Variants in CACNA2D3 observed in about 807,000 individuals in gnomAD.
CACNA2D3 encodes the protein voltage-dependent calcium channel subunit alpha-2/delta-3.
In CACNA2D3, 60 loss-of-function variants were observed where a neutral mutation model predicts 160.6. That is an observed-to-expected ratio of 0.37 (90% CI 0.30 to 0.46). CACNA2D3 has a LOEUF of 0.46. Ranked by LOEUF, CACNA2D3 falls within the 20% of genes least tolerant of loss-of-function variation. The pLI, the probability that CACNA2D3 is intolerant of heterozygous loss-of-function variation, is 1.00. For missense variants in CACNA2D3, 1,205 were observed against 1,365.0 expected (o/e 0.88, Z 1.85); for synonymous variants, 558 against 492.9 (o/e 1.13, Z -1.75).
At chr3:54,750,717 A>G (rs1701839747) in intron 11 of CACNA2D3, among the ~76,000 whole-genome samples, 1 of 151,830 alleles carries the variant, frequency 6.6e-6, no homozygotes, top group African/African-American at 2.4e-5. Context: ...ACGGGGGTGC[A>G]GCTATATGAA....
intron 4 of CACNA2D3, among the ~76,000 whole-genome samples, chr3:54,474,186 A>G (rs543255585): frequency 9.9e-5 from 15 of 152,276 alleles, no homozygotes; most frequent in Admixed American, 4.6e-4. Context: ...AAGAAAATGT[A>G]GCACATATAC....
At chr3:54,804,277 C>T (rs1401574794) in intron 13 of CACNA2D3, among the ~76,000 whole-genome samples, 2 of 151,880 alleles carry the variant, frequency 1.3e-5, no homozygotes, top group Admixed American at 1.3e-4. Flanking sequence ...GATAAAGAGT[C>T]AAGACCCATC....
In CACNA2D3 at chr3:54,169,412, T is replaced by C. The variant is rs766990042; in HGVS notation, c.204+45818T>C. ...AAGCTTCATGGTCCATGGAAAGGGA[T>C]TGGGAACCAAGTTACATTTTGCTCA... On this transcript the variant is annotated intron_variant, in intron 2 of 37. Coordinates refer to ENST00000474759, the MANE Select transcript of CACNA2D3 (RefSeq NM_018398.3). 3.3e-5 allele frequency among the ~76,000 whole-genome samples: 5 copies of C among 152,082 alleles called. No homozygotes were observed. In the East Asian group the frequency reaches 9.7e-4, roughly 29 times the overall value.
chr3:54,302,860 C>G (rs1365251444), intron 2 of CACNA2D3, among the ~76,000 whole-genome samples: 1 of 151,988 alleles, frequency 6.6e-6, no homozygotes, highest in Non-Finnish European at 1.5e-5. Flanking sequence ...TCCCTGCTCT[C>G]ATCTCCTCTT....
chr3:54,812,337 A>G (rs748946466), intron 13 of CACNA2D3, among the ~76,000 whole-genome samples: 37 of 152,336 alleles, frequency 2.4e-4, no homozygotes, highest in Non-Finnish European at 4.7e-4. Flanking sequence ...ATGTGGTACT[A>G]GGAAGGCCTG....
At chr3:54,718,192 C>A (rs1701098878) in intron 11 of CACNA2D3, among the ~76,000 whole-genome samples, 1 of 152,056 alleles carries the variant, frequency 6.6e-6, no homozygotes, top group Non-Finnish European at 1.5e-5. Context: ...GTAGTTTGCT[C>A]TTCTTTTAAT....
chr3:54,138,646 G>C (rs753138871), intron 2 of CACNA2D3, among the ~76,000 whole-genome samples: 15 of 152,116 alleles, frequency 9.9e-5, no homozygotes, highest in Non-Finnish European at 1.5e-4. Flanking sequence ...ATGTCACCAG[G>C]GTTTGGTGAC....
intron 11 of CACNA2D3, among the ~76,000 whole-genome samples, chr3:54,721,415 T>G (rs890701052): frequency 6.6e-6 from 1 of 152,164 alleles, no homozygotes; most frequent in African/African-American, 2.4e-5. Context: ...TAAAGAATGT[T>G]TTTAATGGGG....
intron 8 of CACNA2D3, among the ~76,000 whole-genome samples, chr3:54,572,517 A>G (rs575723195): frequency 2.6e-5 from 4 of 152,356 alleles, no homozygotes; most frequent in Admixed American, 1.3e-4. Context: ...TGAGTTACAC[A>G]GCCAGAAAAG....
intron 13 of CACNA2D3, among the ~76,000 whole-genome samples, chr3:54,807,076 C>T (rs927025551): frequency 3.9e-5 from 6 of 152,110 alleles, no homozygotes; most frequent in Non-Finnish European, 8.8e-5. Context: ...AAGACTTAAA[C>T]ATTAGACCTA....
chr3:54,248,949 T>G (rs1380898635), intron 2 of CACNA2D3, among the ~76,000 whole-genome samples: 1 of 152,234 alleles, frequency 6.6e-6, no homozygotes, highest in Non-Finnish European at 1.5e-5. Flanking sequence ...CATGAGTATT[T>G]CCATATTTGG....
intron 9 of CACNA2D3, among the ~76,000 whole-genome samples, chr3:54,590,590 C>T (rs996082549): frequency 2.5e-5 from 3 of 119,440 alleles, no homozygotes; most frequent in African/African-American, 3.5e-5. Flanking sequence ...GAATGTGTGG[C>T]ATTTCTCTTA....
chr3:54,934,606 CTT>C (rs1701283680), intron 27 of CACNA2D3, among the ~76,000 whole-genome samples: 1 of 152,208 alleles, frequency 6.6e-6, no homozygotes, highest in African/African-American at 2.4e-5. Context: ...TGGCCAAAAT[CTT>C]TCTTTTCAGC....
chr3:54,507,739 C>T (rs1330171626), intron 5 of CACNA2D3, among the ~76,000 whole-genome samples: 1 of 152,172 alleles, frequency 6.6e-6, no homozygotes, highest in Admixed American at 6.5e-5. Context: ...GCCAGAGTCA[C>T]ACCCAGAGTC....
At chr3:54,417,041 A>G (rs565356756) in intron 4 of CACNA2D3, among the ~76,000 whole-genome samples, 1 of 152,280 alleles carries the variant, frequency 6.6e-6, no homozygotes, top group South Asian at 2.1e-4. Context: ...AAATACAGGT[A>G]GGAACTCAGA....
intron 2 of CACNA2D3, among the ~76,000 whole-genome samples, chr3:54,262,325 A>G (rs576934849): frequency 3.3e-4 from 51 of 152,314 alleles, no homozygotes; most frequent in Admixed American, 7.2e-4. Context: ...CATAAAAGAA[A>G]CAACATTGAG....
intron 2 of CACNA2D3, among the ~76,000 whole-genome samples, chr3:54,184,973 C>T (rs545950770): frequency 6.6e-6 from 1 of 152,270 alleles, no homozygotes; most frequent in South Asian, 2.1e-4. Flanking sequence ...ATTCATTTGG[C>T]GTTGTGTGAC....
At chr3:54,476,929 C>T (rs1445206509) in intron 4 of CACNA2D3, among the ~76,000 whole-genome samples, 1 of 152,150 alleles carries the variant, frequency 6.6e-6, no homozygotes, top group Non-Finnish European at 1.5e-5. Context: ...GTGTGATAGA[C>T]CATGGACACC....
chr3:54,816,800 T>G, intron 13 of CACNA2D3, 53 bp from the exon 14 acceptor site: 4 of 1,600,954 alleles, frequency 2.5e-6, no homozygotes, highest in Non-Finnish European at 3.4e-6. Context: ...ATTAATTACT[T>G]ATATAATGAT....
Sources: gnomAD v4.1 joint callset for allele counts (sites outside exome capture counted in the v4.1 genomes callset) on GRCh38, gnomAD v4.1.1 for gene constraint, MANE v1.5 for transcripts, NCBI Gene and HGNC (gene_info 2026-07-23, HGNC 2026-07-21) for gene names.